Variants in PUM2 observed in about 807,000 individuals in gnomAD.
PUM2 encodes the protein pumilio RNA binding family member 2.
In PUM2, 57 loss-of-function variants were observed where a neutral mutation model predicts 124.5. The observed-to-expected ratio is 0.46, with a 90% CI of 0.37 to 0.57. The LOEUF (loss-of-function observed/expected upper bound fraction) is 0.57, where lower values mean the gene tolerates loss of function less well. Ranked by LOEUF, PUM2 falls within the 20% of genes least tolerant of loss-of-function variation. The probability of loss-of-function intolerance (pLI) is 0.00; values close to 1 mark genes in which losing one functional copy is unlikely to be tolerated. For synonymous variants in PUM2, 460 were observed against 446.1 expected, an observed-to-expected ratio of 1.03 and a Z score of -0.39; for missense variants, 1,065 against 1,290.6, an observed-to-expected ratio of 0.83 and a Z score of 2.68.
At chr2:20,261,333 G>T (rs1666159721) in intron 14 of PUM2, among the ~76,000 whole-genome samples, 1 of 141,848 alleles carries the variant, frequency 7.0e-6, no homozygotes, top group Non-Finnish European at 1.5e-5. Flanking sequence ...GGAGGAGGTT[G>T]CAGTGAGCCG....
chr2:20,249,322 T>C lies in PUM2; in HGVS notation c.*2263A>G, dbSNP rs146566387. The C allele has an allele frequency of 3.3e-5, 5 of 152,580 alleles. No individual in the cohort carries two copies. Among genetic ancestry groups the C allele is most frequent in the African/African-American group, 4.8e-5 (2 of 41,560 alleles). The allele number at this position is 152,580 out of a possible 1,614,324, so 9.5% of individuals were successfully genotyped here. ...GCTGATACTGAGAACAAAAGTTCGA[T>C]ACGGGCCGAAATACTCTGAGGTTGG... is the stretch of plus-strand genomic sequence containing the variant. On this transcript the variant is annotated 3_prime_UTR_variant, in exon 21 of 21. Coordinates refer to ENST00000361078, the MANE Select transcript of PUM2 (RefSeq NM_015317.5).
chr2:20,345,000 AAAAAG>A (rs1553412141), intron 1 of PUM2, among the ~76,000 whole-genome samples: 7 of 148,984 alleles, frequency 4.7e-5, no homozygotes, highest in African/African-American at 1.3e-4. Context: ...AAAAAAAAAA[AAAAAG>A]AAAAGAAGAT....
Position 20,255,206 on chromosome 2 carries a change from G to A in PUM2, c.2748+10C>T, listed in dbSNP as rs766962424. The A allele has an allele frequency of 1.3e-6, 2 of 1,575,576 alleles. No individual in the cohort carries two copies. Among genetic ancestry groups the A allele is most frequent in the Non-Finnish European group, 1.7e-6 (2 of 1,157,100 alleles). ...TATATAAACATTTCAAATTATTAGG[G>A]AATTTATACCTGTACCAACTGCTCT... On this transcript the variant is annotated intron_variant, in intron 18 of 20. Coordinates refer to ENST00000361078, the MANE Select transcript of PUM2 (RefSeq NM_015317.5).
chr2:20,295,236 A>C (rs1404635516), intron 8 of PUM2, among the ~76,000 whole-genome samples: 1 of 152,196 alleles, frequency 6.6e-6, no homozygotes. Context: ...TGATTCCTAG[A>C]AAGTAAATAG....
At chr2:20,297,519 C>A in intron 8 of PUM2, 34 bp downstream of exon 8, 1 of 1,490,108 alleles carries the variant, frequency 6.7e-7, no homozygotes, top group South Asian at 1.4e-5. Flanking sequence ...CATTAAAAAG[C>A]AACCATAATA....
Position 20,272,355 on chromosome 2 carries a change from T to C in PUM2, c.1957+6228A>G, listed in dbSNP as rs142649898. The stretch of plus-strand genomic sequence containing the variant: ...AAGCGTGTTTGTGTGCATATGTGTA[T>C]GTGTGGTGTGAAACAGAAGTCAAAG... On this transcript the variant is annotated intron_variant, in intron 13 of 20. Transcript: ENST00000361078. Among the ~76,000 whole-genome samples, 63 of 152,298 alleles carry C rather than the reference T, an allele frequency of 4.1e-4. 2 individuals are homozygous for C. The East Asian group carries it at 0.012, about 28-fold the overall frequency.
At chr2:20,285,470 C>T (rs1484206616) in intron 10 of PUM2, among the ~76,000 whole-genome samples, 2 of 152,174 alleles carry the variant, frequency 1.3e-5, no homozygotes, top group Non-Finnish European at 2.9e-5. Context: ...TCTAGTTTTA[C>T]CTGGTACTCA....
intron 1 of PUM2, among the ~76,000 whole-genome samples, chr2:20,348,783 C>G (rs991302794): frequency 1.4e-4 from 20 of 145,366 alleles, no homozygotes; most frequent in Middle Eastern, 3.9e-3. Flanking sequence ...ATTAGCCGGG[C>G]GTGGTGGCGT....
At chr2:20,334,184 C>A (rs556674155) in intron 1 of PUM2, among the ~76,000 whole-genome samples, 10 of 152,072 alleles carry the variant, frequency 6.6e-5, no homozygotes, top group Non-Finnish European at 1.3e-4. Flanking sequence ...TGGTGACATG[C>A]ACCTGTAGTC....
rs1246582105 is a variant in PUM2, at chr2:20,350,735, C to CT, written c.-158_-157insA. 3 of 972,134 alleles carry CT rather than the reference C, an allele frequency of 3.1e-6. No individual in the cohort carries two copies. Among genetic ancestry groups the CT allele is most frequent in the Non-Finnish European group, 3.7e-6 (3 of 820,974 alleles). 60.2% of individuals were successfully genotyped at this position (972,134 alleles called of 1,614,324 possible). On this transcript the variant is annotated 5_prime_UTR_variant, in exon 1 of 21. Coordinates refer to ENST00000361078, the MANE Select transcript of PUM2 (RefSeq NM_015317.5). ...TTCTCCACCTACCACCCTCCCCCCCCACCCCACCTCCTCCTTCTCCTCCCC... is the reference window on the plus strand; with the variant it reads ...TTCTCCACCTACCACCCTCCCCCCCCTACCCCACCTCCTCCTTCTCCTCCCC...
chr2:20,290,895 T>A (rs949336501), intron 9 of PUM2, 105 bp from the exon 10 acceptor site: 3 of 939,368 alleles, frequency 3.2e-6, no homozygotes, highest in African/African-American at 1.7e-5. Context: ...GGATATTTTT[T>A]AAACATTTAC....
At chr2:20,339,228 G>A (rs1196639820) in intron 1 of PUM2, among the ~76,000 whole-genome samples, 3 of 151,916 alleles carry the variant, frequency 2.0e-5, no homozygotes, top group Non-Finnish European at 4.4e-5. Context: ...TTACAGTTAT[G>A]TAATTCTGCA....
At position 20,251,379 on chromosome 2, in the gene PUM2, G is replaced by T; in HGVS notation, c.*206C>A. 1.9e-6 allele frequency: 1 copy of T among 529,882 alleles called. No individual in the cohort carries two copies. The highest frequency in any genetic ancestry group is 3.2e-6 in the Non-Finnish European group (1 of 314,396). 32.8% of individuals were successfully genotyped at this position (529,882 alleles called of 1,614,324 possible). Reference sequence around the variant, plus strand: ...TCCAATCTGATAGGTCTCCACTCAGGGCTGAATATAATTTATAATTCATCC... The same window carrying T: ...TCCAATCTGATAGGTCTCCACTCAGTGCTGAATATAATTTATAATTCATCC... On this transcript the variant is annotated 3_prime_UTR_variant, in exon 21 of 21. Coordinates refer to ENST00000361078, the MANE Select transcript of PUM2 (RefSeq NM_015317.5).
At position 20,307,960 on chromosome 2, in the gene PUM2, G is replaced by T; in HGVS notation, c.883+18C>A. 1 of 1,597,030 alleles carries T rather than the reference G, an allele frequency of 6.3e-7. No individual in the cohort carries two copies. The highest frequency in any genetic ancestry group is 1.1e-5 in the South Asian group (1 of 89,474). ...TTTAACAAGACTTTGGTCAAAATGA[G>T]AACGTATGAAGACTCACCTATATGT... is the stretch of plus-strand genomic sequence containing the variant. On this transcript the variant is annotated intron_variant, in intron 7 of 20. Coordinates refer to ENST00000361078, the MANE Select transcript of PUM2 (RefSeq NM_015317.5).
intron 14 of PUM2, among the ~76,000 whole-genome samples, chr2:20,262,479 C>T (rs959081510): frequency 6.6e-6 from 1 of 152,190 alleles, no homozygotes; most frequent in African/African-American, 2.4e-5. Context: ...GTAGGCTATG[C>T]CATCTAGGTT....
At chr2:20,331,353 A>T (rs1203017834) in intron 1 of PUM2, among the ~76,000 whole-genome samples, 1 of 152,214 alleles carries the variant, frequency 6.6e-6, no homozygotes, top group Non-Finnish European at 1.5e-5. Context: ...AATGCAAACT[A>T]ATTTTAAGGA....
chr2:20,326,118 T>C (rs1339904346), intron 2 of PUM2: 1 of 617,224 alleles, frequency 1.6e-6, no homozygotes, highest in African/African-American at 1.9e-5. Flanking sequence ...CCTAACCAGA[T>C]ATTGCACTGC....
intron 15 of PUM2, 121 bp from the exon 16 acceptor site, chr2:20,258,492 G>T: frequency 1.1e-6 from 1 of 875,768 alleles, no homozygotes; most frequent in Non-Finnish European, 1.7e-6. Context: ...GGGGCTTTAA[G>T]GTAGAAGCTA....
At chr2:20,310,714 C>T (rs1572859059) in intron 5 of PUM2, among the ~76,000 whole-genome samples, 1 of 151,896 alleles carries the variant, frequency 6.6e-6, no homozygotes, top group East Asian at 1.9e-4. Context: ...ATACCTAATA[C>T]TTTTTTATGT....
Sources: allele counts gnomAD v4.1 joint callset (sites outside exome capture counted in the v4.1 genomes callset), GRCh38; gene constraint gnomAD v4.1.1; transcripts MANE v1.5; gene names NCBI Gene and HGNC (gene_info 2026-07-23, HGNC 2026-07-21).